Variants in ZNF644 observed in about 807,000 individuals in gnomAD.
ZNF644 encodes the protein zinc finger protein 644.
ZNF644 carries 20 observed loss-of-function variants against 108.0 expected under a neutral mutation model. That is an observed-to-expected ratio of 0.19 (90% CI 0.13 to 0.27). ZNF644 has a LOEUF of 0.27. Among genes scored for constraint, ZNF644 ranks in the 10% least tolerant of loss-of-function variants. ZNF644 has a pLI of 1.00. For synonymous variants in ZNF644, 542 were observed against 539.1 expected, an observed-to-expected ratio of 1.01 and a Z score of -0.08; for missense variants, 1,338 against 1,548.9, an observed-to-expected ratio of 0.86 and a Z score of 2.29.
At chr1:90,967,799 G>A (rs992936824) in intron 2 of ZNF644, among the ~76,000 whole-genome samples, 4 of 151,326 alleles carry the variant, frequency 2.6e-5, no homozygotes, top group Admixed American at 2.0e-4. Flanking sequence ...TGTAATCCCA[G>A]CACTTTGGGA....
chr1:90,937,813 T>C lies in ZNF644; in HGVS notation c.3360A>G (p.Gln1120=), dbSNP rs1464027168. 4.3e-6 allele frequency: 7 copies of C among 1,613,910 alleles called. No individual in the cohort carries two copies. Among genetic ancestry groups the C allele is most frequent in the South Asian group, 1.1e-5 (1 of 91,078 alleles). ...GGTATGCTTCAAGAGGTATAACATT[T>C]TGAGATATAAAGTCATCACTTGATG... The part of the protein sequence containing the change: ...KLASSDDFIS[Q]NVIPLEAYRN... Residue 1120 remains glutamine, a synonymous_variant, in exon 4 of 6, where the codon CAA becomes CAG. Transcript: ENST00000337393.
At chr1:90,927,295 ATC>A (rs1452037652) in intron 4 of ZNF644, among the ~76,000 whole-genome samples, 1 of 152,218 alleles carries the variant, frequency 6.6e-6, no homozygotes, top group East Asian at 1.9e-4. Flanking sequence ...GATCCAATGT[ATC>A]TCTGCATACT....
intron 2 of ZNF644, among the ~76,000 whole-genome samples, chr1:90,957,508 AT>A (rs1653870876): frequency 6.6e-6 from 1 of 152,226 alleles, no homozygotes; most frequent in East Asian, 1.9e-4. Flanking sequence ...TATCACATTA[AT>A]AGAACAAAGA....
At chr1:90,995,720 T>A (rs1278547187) in intron 1 of ZNF644, among the ~76,000 whole-genome samples, 1 of 152,080 alleles carries the variant, frequency 6.6e-6, no homozygotes, top group Non-Finnish European at 1.5e-5. Flanking sequence ...TGAAACAACA[T>A]CTTCTATATC....
chr1:90,934,868 A>G (rs912587523), intron 4 of ZNF644, among the ~76,000 whole-genome samples: 1 of 152,120 alleles, frequency 6.6e-6, no homozygotes, highest in Non-Finnish European at 1.5e-5. Context: ...AAATTTCCCT[A>G]TAATTTCCTT....
intron 4 of ZNF644, 99 bp downstream of exon 4, chr1:90,937,386 A>G (rs961562115): frequency 6.8e-5 from 105 of 1,545,994 alleles, no homozygotes; most frequent in Non-Finnish European, 8.5e-5. Flanking sequence ...CTTAAACAGG[A>G]AGATTGTGAG....
intron 2 of ZNF644, among the ~76,000 whole-genome samples, chr1:90,958,983 A>T (rs1034132411): frequency 6.6e-6 from 1 of 152,202 alleles, no homozygotes; most frequent in Non-Finnish European, 1.5e-5. Context: ...CTTTATCAAA[A>T]TAAAAATCCT....
chr1:90,918,936 T>A (rs1290760745), intron 4 of ZNF644, among the ~76,000 whole-genome samples: 2 of 152,116 alleles, frequency 1.3e-5, no homozygotes, highest in Non-Finnish European at 2.9e-5. Context: ...TTTTTCATTT[T>A]ACATTTTCTC....
At chr1:91,012,710 T>C (rs1024523455) in intron 1 of ZNF644, among the ~76,000 whole-genome samples, 1 of 152,084 alleles carries the variant, frequency 6.6e-6, no homozygotes, top group Admixed American at 6.6e-5. Context: ...ATGTCTGTGC[T>C]TTTTTTACAT....
chr1:90,939,986 T>C lies in ZNF644; in HGVS notation c.1368A>G (p.Thr456=), dbSNP rs138167186. 1.2e-6 allele frequency: 2 copies of C among 1,614,088 alleles called. No individual in the cohort carries two copies. The highest frequency in any genetic ancestry group is 1.7e-6 in the Non-Finnish European group (2 of 1,179,966). ...TTAGAAGTGAATTGCGATCTCGAAA[T>C]GTCCGTCCACATTCTCTACAAGCAT... is the stretch of plus-strand genomic sequence containing the variant. ...RPYACRECGR[T]FRDRNSLLKH... The change falls in exon 3 of 6, where the codon ACA becomes ACG. Residue 456 remains threonine (T), a synonymous_variant. Transcript: ENST00000337393.
intron 2 of ZNF644, among the ~76,000 whole-genome samples, chr1:90,945,717 T>C (rs1652446386): frequency 6.6e-6 from 1 of 152,134 alleles, no homozygotes; most frequent in African/African-American, 2.4e-5. Flanking sequence ...TCATCAAATC[T>C]ATGCTGTCCA....
chr1:91,000,770 C>T (rs1406757597), intron 1 of ZNF644, among the ~76,000 whole-genome samples: 1 of 151,906 alleles, frequency 6.6e-6, no homozygotes. Context: ...AAGATCAACA[C>T]AATAGATAGA....
chr1:90,976,934 T>TTA (rs1471488129), intron 2 of ZNF644, among the ~76,000 whole-genome samples: 3 of 152,104 alleles, frequency 2.0e-5, no homozygotes, highest in Non-Finnish European at 4.4e-5. Flanking sequence ...AATATGCCAA[T>TTA]TTGTAAAAAT....
At chr1:90,989,328 C>T (rs192144794) in intron 1 of ZNF644, among the ~76,000 whole-genome samples, 4 of 152,158 alleles carry the variant, frequency 2.6e-5, no homozygotes, top group East Asian at 3.9e-4. Context: ...GTGGGAGGAT[C>T]GCTTGAGCTC....
chr1:90,982,821 A>G (rs1656695069), intron 1 of ZNF644, among the ~76,000 whole-genome samples: 2 of 152,146 alleles, frequency 1.3e-5, no homozygotes, highest in African/African-American at 2.4e-5. Context: ...ACATAAAAGT[A>G]TATAACAAAG....
At chr1:90,942,651 C>T (rs572450965) in intron 2 of ZNF644, among the ~76,000 whole-genome samples, 1 of 152,230 alleles carries the variant, frequency 6.6e-6, no homozygotes, top group Non-Finnish European at 1.5e-5. Flanking sequence ...CAGTTTTGTT[C>T]CTATGAAATT....
intron 4 of ZNF644, among the ~76,000 whole-genome samples, chr1:90,933,304 G>C (rs943234288): frequency 6.6e-6 from 1 of 152,006 alleles, no homozygotes; most frequent in Admixed American, 6.6e-5. Flanking sequence ...GCACTTCTTG[G>C]ATCTCTGCTC....
intron 1 of ZNF644, among the ~76,000 whole-genome samples, chr1:91,010,876 T>C (rs1175517411): frequency 6.6e-6 from 1 of 152,168 alleles, no homozygotes; most frequent in Non-Finnish European, 1.5e-5. Context: ...AACAAGACTT[T>C]TCTGAATACA....
At chr1:90,983,593 A>G (rs1427591542) in intron 1 of ZNF644, among the ~76,000 whole-genome samples, 1 of 151,994 alleles carries the variant, frequency 6.6e-6, no homozygotes, top group African/African-American at 2.4e-5. Context: ...AATCACATGT[A>G]TCCTTATAAG....
Sources: gnomAD v4.1 joint callset for allele counts (sites outside exome capture counted in the v4.1 genomes callset) on GRCh38, gnomAD v4.1.1 for gene constraint, MANE v1.5 for transcripts, NCBI Gene and HGNC (gene_info 2026-07-23, HGNC 2026-07-21) for gene names.